Variants in GCNT2 observed in about 807,000 individuals in gnomAD.
GCNT2 encodes N-acetyllactosaminide beta-1,6-N-acetylglucosaminyl-transferase.
Under a neutral mutation model 34.2 loss-of-function variants are expected in GCNT2, and 34 were observed. The observed-to-expected ratio is 1.00, with a 90% CI of 0.76 to 1.32. GCNT2 has a LOEUF of 1.32. GCNT2 is among the 40% of genes most tolerant of loss of function. The probability of loss-of-function intolerance (pLI) is 0.00; values close to 1 mark genes in which losing one functional copy is unlikely to be tolerated. For missense variants in GCNT2, 584 were observed against 489.4 expected, an observed-to-expected ratio of 1.19 and a Z score of -1.82; for synonymous variants, 212 against 188.0, an observed-to-expected ratio of 1.13 and a Z score of -1.04.
chr6:10,623,635 C>G (rs1262453078), intron 4 of GCNT2, among the ~76,000 whole-genome samples: 2 of 152,172 alleles, frequency 1.3e-5, no homozygotes, highest in African/African-American at 4.8e-5. Flanking sequence ...TGATCTTCAA[C>G]TTGGAGTGCC....
At chr6:10,615,704 A>G (rs1205484461) in intron 3 of GCNT2, among the ~76,000 whole-genome samples, 2 of 117,064 alleles carry the variant, frequency 1.7e-5, no homozygotes, top group African/African-American at 9.4e-5. Context: ...TGGCCACTCC[A>G]TAGACAGAGC....
In GCNT2 at chr6:10,529,131, T is replaced by G; in HGVS notation, c.220T>G (p.Cys74Gly). The G allele has an allele frequency of 6.2e-7, 1 of 1,614,108 alleles. No homozygotes were observed. Among genetic ancestry groups the G allele is most frequent in the South Asian group, 1.1e-5 (1 of 91,080 alleles). ...ALKTTLDEAT[C>G]YEYMVRSHYV... Reference sequence around the variant, plus strand: ...GAAAACTACCCTTGATGAAGCTACCTGCTATGAGTACATGGTTCGAAGCCA... The same window carrying G: ...GAAAACTACCCTTGATGAAGCTACCGGCTATGAGTACATGGTTCGAAGCCA... Residue 74 changes from cysteine to glycine, a missense_variant, in exon 3 of 5, where the codon TGC (cysteine) becomes GGC (glycine). Physicochemically the swap from Cys to Gly is radical, Grantham distance 159. Transcript: ENST00000495262.
chr6:10,560,333 C>T (rs1044768752), intron 3 of GCNT2, among the ~76,000 whole-genome samples: 15 of 152,070 alleles, frequency 9.9e-5, no homozygotes, highest in Non-Finnish European at 1.9e-4. Flanking sequence ...TCAGGCGATC[C>T]GCCCACCTCG....
At chr6:10,548,857 T>C (rs1254832605) in intron 3 of GCNT2, among the ~76,000 whole-genome samples, 1 of 152,090 alleles carries the variant, frequency 6.6e-6, no homozygotes, top group Non-Finnish European at 1.5e-5. Context: ...CCTCCTGGGT[T>C]CAAGCAGTTC....
rs144320622 is a variant in GCNT2 at position 10,625,917 on chromosome 6, A to G, written c.1019-500A>G. On this transcript the variant is annotated intron_variant, in intron 4 of 4. Coordinates refer to ENST00000495262, the MANE Select transcript of GCNT2 (RefSeq NM_145649.5). Reference sequence around the variant, plus strand: ...ACAATTATAACAATATGCTGTAATAAAAGTTATGTGAATAAAAGTTCTGTG... The same window carrying G: ...ACAATTATAACAATATGCTGTAATAGAAGTTATGTGAATAAAAGTTCTGTG... 1.6e-4 allele frequency among the ~76,000 whole-genome samples: 24 copies of G among 152,350 alleles called. 1 individual carries two copies. The East Asian group carries it at 4.6e-3, about 29-fold the overall frequency.
At chr6:10,534,075 G>A (rs1281032815) in intron 3 of GCNT2, among the ~76,000 whole-genome samples, 1 of 150,034 alleles carries the variant, frequency 6.7e-6, no homozygotes, top group African/African-American at 2.4e-5. Flanking sequence ...TGGTTTATGG[G>A]CTCCTCCACC....
intron 3 of GCNT2, among the ~76,000 whole-genome samples, chr6:10,541,422 A>G (rs1199840065): frequency 6.6e-6 from 1 of 152,134 alleles, no homozygotes; most frequent in Admixed American, 6.5e-5. Flanking sequence ...ACTGATGGGC[A>G]TTTAGGTTGA....
chr6:10,556,908 TCTCCAGG>T lies in GCNT2; in HGVS notation c.925+27082_925+27088del, dbSNP rs1211044595. ...ATGGAACCCGTTGTCTATGGAGGGA[TCTCCAGG>T]CTCCAGGCTGACCTGAACTGCATCA... On this transcript the variant is annotated intron_variant, in intron 3 of 4. Coordinates refer to ENST00000495262, the MANE Select transcript of GCNT2 (RefSeq NM_145649.5). The T allele has an allele frequency of 1.9e-6, 3 of 1,613,980 alleles. No individual in the cohort carries two copies. The African/African-American group carries it at 4.0e-5, about 22-fold the overall frequency.
intron 3 of GCNT2, among the ~76,000 whole-genome samples, chr6:10,541,888 T>A (rs1175204355): frequency 6.6e-6 from 1 of 152,230 alleles, no homozygotes; most frequent in African/African-American, 2.4e-5. Context: ...TTGTCCTTTG[T>A]GCTCCAAATA....
In GCNT2 at chr6:10,556,911, C is replaced by A. The variant is rs535689181; in HGVS notation, c.925+27075C>A. 11 of 1,614,158 alleles carry A rather than the reference C, an allele frequency of 6.8e-6. No homozygotes were observed. In the African/African-American group the frequency reaches 1.5e-4, roughly 22 times the overall value. On this transcript the variant is annotated intron_variant, in intron 3 of 4. Transcript: ENST00000495262. ...GAACCCGTTGTCTATGGAGGGATCT[C>A]CAGGCTCCAGGCTGACCTGAACTGC...
At chr6:10,554,978 A>G (rs915927405) in intron 3 of GCNT2, among the ~76,000 whole-genome samples, 1 of 152,372 alleles carries the variant, frequency 6.6e-6, no homozygotes, top group Non-Finnish European at 1.5e-5. Context: ...GTGCCCCTGA[A>G]TCCCAGGAGG....
intron 3 of GCNT2, among the ~76,000 whole-genome samples, chr6:10,534,851 ACT>A (rs760902804): frequency 2.6e-5 from 4 of 151,928 alleles, no homozygotes; most frequent in Non-Finnish European, 5.9e-5. Context: ...ACAGAGTGAG[ACT>A]CTGTCTCAAA....
intron 3 of GCNT2, among the ~76,000 whole-genome samples, chr6:10,608,376 C>T (rs145670585): frequency 3.9e-5 from 6 of 152,102 alleles, no homozygotes; most frequent in African/African-American, 4.8e-5. Context: ...CCACGCCTGG[C>T]GATATGCACA....
chr6:10,586,524 G>T (rs149144819), intron 3 of GCNT2: 4 of 1,613,908 alleles, frequency 2.5e-6, no homozygotes, highest in Non-Finnish European at 2.5e-6. Flanking sequence ...AGACCTTGTC[G>T]CCTCTGAGGT....
chr6:10,551,458 T>A (rs944784283), intron 3 of GCNT2, among the ~76,000 whole-genome samples: 2 of 150,924 alleles, frequency 1.3e-5, no homozygotes, highest in Admixed American at 6.6e-5. Flanking sequence ...TTTATTTTTT[T>A]TTTTTGAGAT....
chr6:10,523,436 A>G (rs1368221435), intron 1 of GCNT2, among the ~76,000 whole-genome samples: 3 of 149,986 alleles, frequency 2.0e-5, no homozygotes, highest in African/African-American at 5.0e-5. Flanking sequence ...CAAAAGAAAA[A>G]AAAAAAAAAA....
intron 4 of GCNT2, among the ~76,000 whole-genome samples, chr6:10,624,913 A>T (rs1766192828): frequency 6.6e-6 from 1 of 151,996 alleles, no homozygotes; most frequent in African/African-American, 2.4e-5. Context: ...CATTGCCCCT[A>T]TCTTGAAGAC....
chr6:10,542,893 C>CTTTTTTTTTTTTTTTTT (rs869251646), intron 3 of GCNT2, among the ~76,000 whole-genome samples: 1 of 82,260 alleles, frequency 1.2e-5, no homozygotes, highest in African/African-American at 5.1e-5. Context: ...TATGTTAATT[C>CTTTTTTTTTTTTTTTTT]TTTTTTTTTT....
At chr6:10,597,600 G>A (rs930277881) in intron 3 of GCNT2, among the ~76,000 whole-genome samples, 2 of 151,632 alleles carry the variant, frequency 1.3e-5, no homozygotes, top group African/African-American at 4.9e-5. Flanking sequence ...GTGTCTCCAA[G>A]GCTATGAGGG....
Sources: gnomAD v4.1 joint callset for allele counts (sites outside exome capture counted in the v4.1 genomes callset) on GRCh38, gnomAD v4.1.1 for gene constraint, MANE v1.5 for transcripts, NCBI Gene and HGNC (gene_info 2026-07-23, HGNC 2026-07-21) for gene names.